F2: variants seen among roughly 807,000 people sequenced by gnomAD.
The protein encoded by F2 is coagulation factor II, thrombin, also known as prothrombin.
Under a neutral mutation model 81.9 loss-of-function variants are expected in F2, and 34 were observed. That is an observed-to-expected ratio of 0.42 (90% CI 0.32 to 0.55). The LOEUF is 0.55. Among genes scored for constraint, F2 ranks in the 20% least tolerant of loss-of-function variants. The pLI, the probability that F2 is intolerant of heterozygous loss-of-function variation, is 0.18. For missense variants in F2, 630 were observed against 833.4 expected (o/e 0.76, Z 3.00); for synonymous variants, 296 against 326.4 (o/e 0.91, Z 1.01).
At position 46,726,062 on chromosome 11, in the gene F2, G is replaced by C. The variant is rs769451576; in HGVS notation, c.763G>C (p.Val255Leu). The C allele has an allele frequency of 6.2e-7, 1 of 1,614,226 alleles. No individual in the cohort carries two copies. The change falls in exon 7 of 14, where the codon GTG becomes CTG. Residue 255 changes from valine (V) to leucine (L), a missense_variant. Physicochemically the swap from Val to Leu is conservative, Grantham distance 32. Coordinates refer to ENST00000311907, the MANE Select transcript of F2 (RefSeq NM_000506.5). The surrounding 1 kb of genome is among the most constrained non-coding windows in gnomAD (Gnocchi z 5.9). ...LSKHQDFNSA[V>L]QLVENFCRNP... is the part of the protein sequence containing the mutation. ...CAAGCACCAGGACTTCAACTCAGCT[G>C]TGCAGCTGGTGGAGAACTTCTGCCG...
Position 46,726,975 on chromosome 11 carries a change from C to G in F2, c.1130+138C>G. On this transcript the variant is annotated intron_variant, in intron 9 of 13. Coordinates refer to ENST00000311907, the MANE Select transcript of F2 (RefSeq NM_000506.5). The surrounding 1 kb of genome is among the most constrained non-coding windows in gnomAD (Gnocchi z 5.9). ...CATCCAGGATCCCACCAACTCCACACAGCAGCCACATGAGATGGGTTGTTT... is the reference window on the plus strand; with the variant it reads ...CATCCAGGATCCCACCAACTCCACAGAGCAGCCACATGAGATGGGTTGTTT... The G allele has an allele frequency of 2.3e-6, 3 of 1,306,588 alleles. No homozygotes were observed. The highest frequency in any genetic ancestry group is 3.2e-6 in the Non-Finnish European group (3 of 933,650). 80.9% of individuals were successfully genotyped at this position (1,306,588 alleles called of 1,614,324 possible). A position where few individuals can be genotyped will look rare whatever the true frequency, so the allele number is the denominator to read the frequency against.
rs773703894 is a variant in F2 at position 46,725,360 on chromosome 11, C to T, written c.560-499C>T. 3.9e-5 allele frequency among the ~76,000 whole-genome samples: 6 copies of T among 152,094 alleles called. No individual in the cohort carries two copies. The South Asian group carries it at 6.2e-4, about 16-fold the overall frequency. The stretch of plus-strand genomic sequence containing the variant: ...CTGGGATTACAGGTGTAAGCCACTG[C>T]GCCTGGCCCCTGGAATTGGTCTTAT... On this transcript the variant is annotated intron_variant, in intron 6 of 13. Coordinates refer to ENST00000311907, the MANE Select transcript of F2 (RefSeq NM_000506.5).
chr11:46,723,007 G>A lies in F2; in HGVS notation c.317-173G>A. ...GTAGGCACTTAGCGAATATTTGGAGGCCACTGTTGAGTGAATGGGAGAACT... is the reference window on the plus strand; with the variant it reads ...GTAGGCACTTAGCGAATATTTGGAGACCACTGTTGAGTGAATGGGAGAACT... On this transcript the variant is annotated intron_variant, in intron 4 of 13. Transcript: ENST00000311907. The surrounding 1 kb of genome is among the most constrained non-coding windows in gnomAD (Gnocchi z 5.6). 5.5e-6 allele frequency: 4 copies of A among 731,822 alleles called. No individual in the cohort carries two copies. Among genetic ancestry groups the A allele is most frequent in the South Asian group, 1.4e-5 (1 of 69,472 alleles). The allele number at this position is 731,822 out of a possible 1,614,324, so 45.3% of individuals were successfully genotyped here.
Position 46,726,986 on chromosome 11 carries a change from T to G in F2, c.1130+149T>G, listed in dbSNP as rs960767259. 3.3e-6 allele frequency: 4 copies of G among 1,209,172 alleles called. No homozygotes were observed. Among genetic ancestry groups the G allele is most frequent in the Non-Finnish European group, 1.2e-6 (1 of 860,914 alleles). 74.9% of individuals were successfully genotyped at this position (1,209,172 alleles called of 1,614,324 possible). On this transcript the variant is annotated intron_variant, in intron 9 of 13. Coordinates refer to ENST00000311907, the MANE Select transcript of F2 (RefSeq NM_000506.5). The surrounding 1 kb of genome is among the most constrained non-coding windows in gnomAD (Gnocchi z 5.9). ...CCACCAACTCCACACAGCAGCCACA[T>G]GAGATGGGTTGTTTACTTCTTTTTT...
chr11:46,720,234 T>A (rs750134205), intron 2 of F2: 55 of 560,230 alleles, frequency 9.8e-5, no homozygotes, highest in Non-Finnish European at 1.2e-4. Flanking sequence ...TTCCTGGAGC[T>A]CTGTGTCGCC....
intron 4 of F2, 94 bp downstream of exon 4, chr11:46,720,934 G>A (rs2064832149): frequency 7.5e-6 from 10 of 1,342,188 alleles, no homozygotes; most frequent in East Asian, 2.3e-5. Flanking sequence ...GGTGGAGGCC[G>A]AGGCAGTCCC....
In F2 at chr11:46,723,567, A is replaced by C. The variant is rs1434977417; in HGVS notation, c.559+49A>C. 6.4e-7 allele frequency: 1 copy of C among 1,569,942 alleles called. No individual in the cohort carries two copies. The highest frequency in any genetic ancestry group is 8.7e-7 in the Non-Finnish European group (1 of 1,155,862). ...CCCATGGCCAAGGCCCGGGGGCTTC[A>C]TGGGGCCTGGCAGCCTGGGATGGGA... On this transcript the variant is annotated intron_variant, in intron 6 of 13. Coordinates refer to ENST00000311907, the MANE Select transcript of F2 (RefSeq NM_000506.5). The surrounding 1 kb of genome is among the most constrained non-coding windows in gnomAD (Gnocchi z 5.6).
In F2 at chr11:46,729,491, G is replaced by A. The variant is rs1403997923; in HGVS notation, c.1584G>A (p.Leu528=). Residue 528 remains leucine, a synonymous_variant, in exon 12 of 14, where the codon CTG becomes CTA. Coordinates refer to ENST00000311907, the MANE Select transcript of F2 (RefSeq NM_000506.5). ...GQPSVLQVVN[L]PIVERPVCKD... is the part of the protein sequence containing the mutation. ...CCAGTGTCCTGCAGGTGGTGAACCT[G>A]CCCATTGTGGAGCGGCCGGTCTGCA... 2 of 1,613,986 alleles carry A rather than the reference G, an allele frequency of 1.2e-6. No individual in the cohort carries two copies. Among genetic ancestry groups the A allele is most frequent in the East Asian group, 2.2e-5 (1 of 44,890 alleles).
chr11:46,724,426 C>T lies in F2; in HGVS notation c.559+908C>T, dbSNP rs188518484. 3.3e-5 allele frequency among the ~76,000 whole-genome samples: 5 copies of T among 152,270 alleles called. No individual in the cohort carries two copies. In the East Asian group the frequency reaches 5.8e-4, roughly 18 times the overall value. On this transcript the variant is annotated intron_variant, in intron 6 of 13. Transcript: ENST00000311907. The stretch of plus-strand genomic sequence containing the variant: ...GTTGGGCCTAGATCTGCTCCACGTG[C>T]GTTCATGCTGGGGCTGAGGCTGAAA...
At chr11:46,721,841 A>ATTTTT (rs1195063307) in intron 4 of F2, among the ~76,000 whole-genome samples, 2 of 130,040 alleles carry the variant, frequency 1.5e-5, no homozygotes, top group African/African-American at 2.9e-5. Context: ...CCATACTTTC[A>ATTTTT]TTTTTTTTTT....
At chr11:46,737,640 G>A (rs563672654) in intron 12 of F2, among the ~76,000 whole-genome samples, 5 of 143,898 alleles carry the variant, frequency 3.5e-5, no homozygotes, top group Admixed American at 6.9e-5. Context: ...GGGTTTCACC[G>A]CGTTCGCCAG....
In F2 at chr11:46,728,234, G is replaced by C. The variant is rs901696751; in HGVS notation, c.1298+71G>C. The C allele has an allele frequency of 6.7e-7, 1 of 1,490,692 alleles. No individual in the cohort carries two copies. The highest frequency in any genetic ancestry group is 9.2e-7 in the Non-Finnish European group (1 of 1,088,234). 92.3% of individuals were successfully genotyped at this position (1,490,692 alleles called of 1,614,324 possible). A position where few individuals can be genotyped will look rare whatever the true frequency, so the allele number is the denominator to read the frequency against. ...TCCAAAGCGATCATGAGGGGCCCTGGTGGCTCCGGGACACATAGGATGTTC... is the reference window on the plus strand; with the variant it reads ...TCCAAAGCGATCATGAGGGGCCCTGCTGGCTCCGGGACACATAGGATGTTC... On this transcript the variant is annotated intron_variant, in intron 10 of 13. Transcript: ENST00000311907. This position sits in a 1 kb window ranked among gnomAD's most constrained non-coding sequence, Gnocchi z 5.1.
At chr11:46,736,678 TTGTC>T (rs1360457276) in intron 12 of F2, among the ~76,000 whole-genome samples, 15 of 152,342 alleles carry the variant, frequency 9.8e-5, no homozygotes, top group African/African-American at 2.9e-4. Flanking sequence ...TCCTGGTCTG[TTGTC>T]TGTCTGTGTA....
In F2 at chr11:46,732,028, GC is replaced by G. The variant is rs2064916193; in HGVS notation, c.1654+2469del. ...TCCCCCAGGTTCAAGTGATTCTCCT[GC>G]CTCAGCCTCCCAAGTAGCAGGGATT... is the stretch of plus-strand genomic sequence containing the variant. On this transcript the variant is annotated intron_variant, in intron 12 of 13. Transcript: ENST00000311907. Among the ~76,000 whole-genome samples the G allele has an allele frequency of 4.8e-5, 7 of 146,788 alleles. No individual in the cohort carries two copies. In the South Asian group the frequency reaches 1.5e-3, roughly 32 times the overall value.
intron 12 of F2, among the ~76,000 whole-genome samples, chr11:46,733,782 CT>C (rs34296052): frequency 8.4e-3 from 757 of 89,758 alleles, no homozygotes; most frequent in African/African-American, 0.015. Flanking sequence ...GATTAAGGAC[CT>C]TTTTTTTTTT....
Position 46,738,366 on chromosome 11 carries a change from G to A in F2, c.1655-682G>A, listed in dbSNP as rs3136511. ...GTTCTGTATTGTTTGTAGAGGATAC[G>A]TGGGGAGATTTGGATAAAAGCAACT... On this transcript the variant is annotated intron_variant, in intron 12 of 13. Coordinates refer to ENST00000311907, the MANE Select transcript of F2 (RefSeq NM_000506.5). Among the ~76,000 whole-genome samples the A allele has an allele frequency of 4.7e-3, 710 of 152,286 alleles. 7 individuals are homozygous for A. Among genetic ancestry groups the A allele is most frequent in the African/African-American group, 0.016 (677 of 41,556 alleles).
rs769603275 is a variant in F2 at position 46,726,661 on chromosome 11, G to A, written c.1003+35G>A. 5.6e-6 allele frequency: 9 copies of A among 1,613,582 alleles called. No homozygotes were observed. Among genetic ancestry groups the A allele is most frequent in the Admixed American group, 3.3e-5 (2 of 60,010 alleles). On this transcript the variant is annotated intron_variant, in intron 8 of 13. Transcript: ENST00000311907. This position sits in a 1 kb window ranked among gnomAD's most constrained non-coding sequence, Gnocchi z 5.9. ...TGGGCATCCGAGGGGATGCGGGGCT[G>A]CGGGGCTGGTGGCCAGGACTTGCCC...
chr11:46,736,601 C>T lies in F2; in HGVS notation c.1655-2447C>T, dbSNP rs369430477. The stretch of plus-strand genomic sequence containing the variant: ...GCATGAGCCACGGTGCCCAGCCCCA[C>T]GTTCTAGATTTCTATGGATAGAGTA... On this transcript the variant is annotated intron_variant, in intron 12 of 13. Transcript: ENST00000311907. 1.2e-4 allele frequency among the ~76,000 whole-genome samples: 19 copies of T among 152,224 alleles called. No individual in the cohort carries two copies. The East Asian group carries it at 2.7e-3, about 22-fold the overall frequency.
intron 12 of F2, among the ~76,000 whole-genome samples, chr11:46,732,467 G>A (rs1450159209): frequency 1.1e-4 from 17 of 150,854 alleles, no homozygotes; most frequent in South Asian, 6.3e-4. Flanking sequence ...GCGTGATCTC[G>A]GCTCACTGCA....
Sources: gnomAD v4.1 joint callset for allele counts (sites outside exome capture counted in the v4.1 genomes callset) on GRCh38, gnomAD v4.1.1 for gene constraint, Gnocchi (gnomAD v3.1) non-coding constraint, MANE v1.5 for transcripts, NCBI Gene and HGNC (gene_info 2026-07-23, HGNC 2026-07-21) for gene names.